TXNRD2: variants seen among roughly 807,000 people sequenced by gnomAD.
TXNRD2 encodes the protein thioredoxin reductase 2, mitochondrial.
Under a neutral mutation model 70.8 loss-of-function variants are expected in TXNRD2, and 67 were observed. The ratio of observed to expected loss-of-function variants is 0.95; its 90% CI spans 0.78 to 1.16. The LOEUF is 1.16. Ranked by LOEUF, TXNRD2 falls within the 50% of genes most tolerant of loss-of-function variation. TXNRD2 has a pLI of 0.00. For synonymous variants in TXNRD2, 301 were observed against 295.8 expected, an observed-to-expected ratio of 1.02 and a Z score of -0.18; for missense variants, 644 against 719.9, an observed-to-expected ratio of 0.89 and a Z score of 1.21.
At chr22:19,881,687 G>A (rs34820460) in intron 12 of TXNRD2, among the ~76,000 whole-genome samples, 31,783 of 152,144 alleles carry the variant, frequency 0.21, 4,106 homozygotes, top group African/African-American at 0.35. Context: ...GAGGCTTCCC[G>A]CTGTGCACAG....
In TXNRD2 at chr22:19,926,246, C is replaced by T. The variant is rs187754873; in HGVS notation, c.172+4784G>A. ...GGCTCATGCCTGTAATACCGGCACT[C>T]TGGGAGGCCGAGGTGGGCGGATCAC... is the stretch of plus-strand genomic sequence containing the variant. On this transcript the variant is annotated intron_variant, in intron 2 of 17. Coordinates refer to ENST00000400521, the MANE Select transcript of TXNRD2 (RefSeq NM_006440.5). 2.4e-3 allele frequency among the ~76,000 whole-genome samples: 359 copies of T among 151,364 alleles called. 2 individuals are homozygous for T. The highest frequency in any genetic ancestry group is 8.4e-3 in the African/African-American group (345 of 41,292).
At chr22:19,932,028 G>A (rs563765946) in intron 1 of TXNRD2, among the ~76,000 whole-genome samples, 1 of 151,896 alleles carries the variant, frequency 6.6e-6, no homozygotes, top group African/African-American at 2.4e-5. Context: ...GGGCATGGTG[G>A]TGGGCGCCTG....
intron 13 of TXNRD2, 73 bp downstream of exon 13, chr22:19,880,549 C>T: frequency 1.4e-6 from 2 of 1,401,170 alleles, no homozygotes; most frequent in Non-Finnish European, 2.0e-6. Context: ...CACAAAGGCC[C>T]CTCACCCCAG....
chr22:19,880,898 G>C (rs1170432889), intron 12 of TXNRD2, 181 bp from the exon 13 acceptor site: 2 of 603,332 alleles, frequency 3.3e-6, no homozygotes, highest in African/African-American at 3.7e-5. Flanking sequence ...GCATCCCAAG[G>C]ACCTAGGTAG....
chr22:19,877,381 A>G, intron 16 of TXNRD2, 147 bp from the exon 17 acceptor site: 1 of 722,752 alleles, frequency 1.4e-6, no homozygotes, highest in Admixed American at 2.4e-5. Context: ...ACCCCTGCCC[A>G]CACCCGTGGG....
intron 2 of TXNRD2, among the ~76,000 whole-genome samples, chr22:19,920,290 A>G (rs1940848127): frequency 6.6e-6 from 1 of 152,242 alleles, no homozygotes; most frequent in Non-Finnish European, 1.5e-5. Context: ...AGAAACCATT[A>G]GCCAGGACCG....
intron 12 of TXNRD2, among the ~76,000 whole-genome samples, chr22:19,882,168 C>T (rs548138538): frequency 6.6e-6 from 1 of 152,194 alleles, no homozygotes; most frequent in East Asian, 1.9e-4. Flanking sequence ...GGCATCCTAC[C>T]CCAGAGGCTT....
In TXNRD2 at chr22:19,919,571, C is replaced by T; in HGVS notation, c.201G>A (p.Val67=). The change falls in exon 3 of 18, where the codon GTG becomes GTA. Residue 67 remains valine, a synonymous_variant. Transcript: ENST00000400521. ...EAAQLGRKVA[V]VDYVEPSPQG... ...GGGGAGAAGGTTCCACGTAGTCCAC[C>T]ACGGCCACCTTCCTTCCCAGCTGGG... is the stretch of plus-strand genomic sequence containing the variant. 1.3e-6 allele frequency: 2 copies of T among 1,564,182 alleles called. No individual in the cohort carries two copies. The highest frequency in any genetic ancestry group is 1.7e-6 in the Non-Finnish European group (2 of 1,155,206).
chr22:19,898,510 C>CTTTTTTTTTT (rs386394954), intron 9 of TXNRD2, among the ~76,000 whole-genome samples: 4 of 94,394 alleles, frequency 4.2e-5, no homozygotes, highest in East Asian at 3.2e-4. Context: ...CGGCTTGGGG[C>CTTTTTTTTTT]TTTTTTTTTT....
intron 1 of TXNRD2, among the ~76,000 whole-genome samples, chr22:19,937,709 T>C (rs1941578950): frequency 6.6e-6 from 1 of 152,170 alleles, no homozygotes; most frequent in Non-Finnish European, 1.5e-5. Flanking sequence ...AAAACTACAC[T>C]GTTAAAAACT....
intron 1 of TXNRD2, among the ~76,000 whole-genome samples, chr22:19,934,712 G>A (rs910867536): frequency 5.3e-5 from 8 of 151,712 alleles, no homozygotes; most frequent in South Asian, 2.1e-4. Flanking sequence ...ACAGGCACCC[G>A]CCACCACACC....
At chr22:19,880,399 G>T in intron 13 of TXNRD2, 128 bp from the exon 14 acceptor site, 1 of 1,034,622 alleles carries the variant, frequency 9.7e-7, no homozygotes, top group Non-Finnish European at 1.5e-6. Flanking sequence ...TGCAAGCACA[G>T]TAGGCGACCC....
At chr22:19,935,828 C>T (rs923344345) in intron 1 of TXNRD2, among the ~76,000 whole-genome samples, 2 of 152,232 alleles carry the variant, frequency 1.3e-5, no homozygotes, top group Non-Finnish European at 2.9e-5. Flanking sequence ...GAACCCGATT[C>T]CCTTTGGTAG....
chr22:19,940,254 A>AAAC (rs1277016484), intron 1 of TXNRD2, among the ~76,000 whole-genome samples: 2 of 151,268 alleles, frequency 1.3e-5, no homozygotes, highest in Non-Finnish European at 2.9e-5. Context: ...CAAAAAAAAA[A>AAAC]AAAAAAAAAA....
chr22:19,891,302 C>T lies in TXNRD2; in HGVS notation c.949+4105G>A, dbSNP rs552686462. The T allele has an allele frequency of 3.3e-5, 5 of 152,436 alleles. No homozygotes were observed. The South Asian group carries it at 1.0e-3, about 32-fold the overall frequency. The allele number at this position is 152,436 out of a possible 1,614,324, so 9.4% of individuals were successfully genotyped here. ...AACAGCTGCCTGGCTGTGGGACCCC[C>T]AGGTTTAGCGAGTCCCCTCCTGTGT... On this transcript the variant is annotated intron_variant, in intron 11 of 17. Coordinates refer to ENST00000400521, the MANE Select transcript of TXNRD2 (RefSeq NM_006440.5).
chr22:19,911,407 A>G lies in TXNRD2; in HGVS notation c.632T>C (p.Ile211Thr). 1.9e-6 allele frequency: 3 copies of G among 1,614,110 alleles called. No homozygotes were observed. Among genetic ancestry groups the G allele is most frequent in the Non-Finnish European group, 2.5e-6 (3 of 1,180,000 alleles). The change falls in exon 8 of 18, where the codon ATC (isoleucine) becomes ACC (threonine). Residue 211 changes from isoleucine to threonine, a missense_variant. Coordinates refer to ENST00000400521, the MANE Select transcript of TXNRD2 (RefSeq NM_006440.5). ...TCCAGGGGATTCCTTCAGCCAGAAGATGTCATCACTTGTGATTCCATATTC... is the reference window on the plus strand; with the variant it reads ...TCCAGGGGATTCCTTCAGCCAGAAGGTGTCATCACTTGTGATTCCATATTC... ...ALEYGITSDDIFWLKESPGKT... is the reference protein window; with the variant it reads ...ALEYGITSDDTFWLKESPGKT...
intron 1 of TXNRD2, among the ~76,000 whole-genome samples, chr22:19,939,579 C>T (rs146481053): frequency 3.8e-4 from 57 of 151,998 alleles, no homozygotes; most frequent in Middle Eastern, 3.4e-3. Flanking sequence ...GAAATCTATA[C>T]TAACGATAGT....
rs1444856185 is a variant in TXNRD2, at chr22:19,922,687, C to CT, written c.173-3089dup. On this transcript the variant is annotated intron_variant, in intron 2 of 17. Coordinates refer to ENST00000400521, the MANE Select transcript of TXNRD2 (RefSeq NM_006440.5). ...TACAGACTTTTGGTGTGGGAAGGAT[C>CT]TTTTTTTCTCTTTTTTTGAGATGGA... Among the ~76,000 whole-genome samples the CT allele has an allele frequency of 1.1e-4, 17 of 152,096 alleles. No individual in the cohort carries two copies. In the South Asian group the frequency reaches 3.5e-3, roughly 32 times the overall value.
chr22:19,890,736 T>A (rs1220882588), intron 11 of TXNRD2, among the ~76,000 whole-genome samples: 1 of 152,220 alleles, frequency 6.6e-6, no homozygotes, highest in East Asian at 1.9e-4. Context: ...TCCTGCTGCC[T>A]GGCACTCAAC....
Sources: gnomAD v4.1 joint callset for allele counts (sites outside exome capture counted in the v4.1 genomes callset) on GRCh38, gnomAD v4.1.1 for gene constraint, MANE v1.5 for transcripts, NCBI Gene and HGNC (gene_info 2026-07-23, HGNC 2026-07-21) for gene names.